The following DNAI1 variants were observed in gnomAD, a reference collection of about 807,000 sequenced individuals.
The protein encoded by DNAI1 is dynein, axonemal, intermediate polypeptide 1.
Under a neutral mutation model 92.0 loss-of-function variants are expected in DNAI1, and 67 were observed. The ratio of observed to expected loss-of-function variants is 0.73; its 90% confidence interval spans 0.60 to 0.89. The LOEUF (loss-of-function observed/expected upper bound fraction) is 0.89. Ranked by LOEUF, DNAI1 falls within the 40% of genes least tolerant of loss-of-function variation. DNAI1 has a pLI of 0.00. For synonymous variants in DNAI1, 323 were observed against 319.6 expected (o/e 1.01, Z -0.11); for missense variants, 839 against 866.6 (o/e 0.97, Z 0.40).
At chr9:34,516,952 C>A (rs1825180908) in intron 18 of DNAI1, among the ~76,000 whole-genome samples, 1 of 151,844 alleles carries the variant, frequency 6.6e-6, no homozygotes, top group Non-Finnish European at 1.5e-5. Context: ...TGTTGGCCAG[C>A]CTGGTCTCAA....
chr9:34,472,793 T>G (rs558996558), intron 1 of DNAI1, among the ~76,000 whole-genome samples: 38 of 152,136 alleles, frequency 2.5e-4, no homozygotes, highest in Admixed American at 2.2e-3. Flanking sequence ...TCCTAGCTAC[T>G]TGGGAGGGTG....
In DNAI1 at chr9:34,468,494, GGTTTTGTTTT is replaced by G. The variant is rs139327447; in HGVS notation, c.48+9462_48+9471del. 7.2e-4 allele frequency among the ~76,000 whole-genome samples: 109 copies of G among 151,374 alleles called. 2 individuals carry two copies. The highest frequency in any genetic ancestry group is 6.1e-3 in the South Asian group (29 of 4,790). On this transcript the variant is annotated intron_variant, in intron 1 of 19. Transcript: ENST00000242317. ...GTGAGCCACCACGCCCGGCCAAGAAGGTTTTGTTTTGTTTTGTTTTGTTTTGTTTTTCTTG... is the reference window on the plus strand; with the variant it reads ...GTGAGCCACCACGCCCGGCCAAGAAGGTTTTGTTTTGTTTTGTTTTTCTTG...
intron 12 of DNAI1, 52 bp from the exon 13 acceptor site, chr9:34,506,575 C>T: frequency 6.8e-6 from 11 of 1,612,772 alleles, no homozygotes; most frequent in Non-Finnish European, 9.3e-6. Context: ...GGGGCTTCTC[C>T]AGGCAGGGCA....
chr9:34,474,938 C>T (rs546603964), intron 1 of DNAI1, among the ~76,000 whole-genome samples: 3 of 152,244 alleles, frequency 2.0e-5, no homozygotes, highest in South Asian at 2.1e-4. Flanking sequence ...GCATTTTAAA[C>T]TTTGGTACAC....
chr9:34,519,960 T>G (rs796863346), intron 19 of DNAI1, among the ~76,000 whole-genome samples: 1 of 152,202 alleles, frequency 6.6e-6, no homozygotes, highest in Non-Finnish European at 1.5e-5. Context: ...GTCCAACTTA[T>G]AATGGAAGGA....
At chr9:34,465,533 A>G (rs982223309) in intron 1 of DNAI1, among the ~76,000 whole-genome samples, 3 of 152,324 alleles carry the variant, frequency 2.0e-5, no homozygotes, top group South Asian at 2.1e-4. Context: ...TAGTCATGCT[A>G]TTTTCAGAGT....
chr9:34,511,872 T>C (rs1360252787), intron 13 of DNAI1, among the ~76,000 whole-genome samples: 1 of 152,140 alleles, frequency 6.6e-6, no homozygotes, highest in Non-Finnish European at 1.5e-5. Flanking sequence ...GGCAATGCTT[T>C]GACTGGCACT....
intron 8 of DNAI1, 124 bp downstream of exon 8, chr9:34,491,678 C>T (rs1288712251): frequency 9.8e-7 from 1 of 1,017,758 alleles, no homozygotes. Context: ...CATCTACTTG[C>T]CTCCCTGCTC....
chr9:34,504,991 C>T (rs1165095110), intron 12 of DNAI1, among the ~76,000 whole-genome samples: 1 of 151,282 alleles, frequency 6.6e-6, no homozygotes, highest in East Asian at 1.9e-4. Context: ...CAAACCATCC[C>T]AGAAAAAAAA....
In DNAI1 at chr9:34,517,386, C is replaced by T. The variant is rs778382564; in HGVS notation, c.1920C>T (p.Ile640=). ...TCACCCACGTGCAGTTCAATCTCATCCACCCCATCATCATTGTGGGCGATG... is the reference window on the plus strand; with the variant it reads ...TCACCCACGTGCAGTTCAATCTCATTCACCCCATCATCATTGTGGGCGATG... ...NRLTHVQFNL[I]HPIIIVGDDR... Residue 640 remains isoleucine (I), a synonymous_variant, in exon 19 of 20, where the codon ATC becomes ATT. Transcript: ENST00000242317. The T allele has an allele frequency of 3.1e-6, 5 of 1,614,106 alleles. No individual in the cohort carries two copies. The highest frequency in any genetic ancestry group is 4.2e-6 in the Non-Finnish European group (5 of 1,180,050).
intron 18 of DNAI1, among the ~76,000 whole-genome samples, 158 bp from the exon 19 acceptor site, chr9:34,517,125 AAC>A (rs1239452432): frequency 6.6e-6 from 1 of 152,128 alleles, no homozygotes; most frequent in Admixed American, 6.5e-5. Flanking sequence ...CCATAGGAAA[AAC>A]ACAGAGACAC....
chr9:34,472,099 G>GC, intron 1 of DNAI1, among the ~76,000 whole-genome samples: 1 of 152,310 alleles, frequency 6.6e-6, no homozygotes, highest in African/African-American at 2.4e-5. Flanking sequence ...CAATTGCCTT[G>GC]CATGGCAGAC....
chr9:34,471,264 CA>C (rs1405325976), intron 1 of DNAI1, among the ~76,000 whole-genome samples: 49 of 141,878 alleles, frequency 3.5e-4, no homozygotes, highest in Admixed American at 9.2e-4. Flanking sequence ...CCTTCTCTAC[CA>C]AAAAAAAAAA....
intron 1 of DNAI1, among the ~76,000 whole-genome samples, chr9:34,460,195 A>T (rs139715859): frequency 6.6e-6 from 1 of 152,300 alleles, no homozygotes; most frequent in East Asian, 1.9e-4. Flanking sequence ...CTTCCTCAGC[A>T]TCACCACGGA....
chr9:34,502,182 G>T (rs1436257541), intron 12 of DNAI1, among the ~76,000 whole-genome samples: 1 of 152,182 alleles, frequency 6.6e-6, no homozygotes, highest in African/African-American at 2.4e-5. Flanking sequence ...GTGGGTGTTT[G>T]TCATTCCTCT....
At chr9:34,482,803 G>T (rs376193617) in intron 1 of DNAI1, among the ~76,000 whole-genome samples, 1 of 152,250 alleles carries the variant, frequency 6.6e-6, no homozygotes, top group African/African-American at 2.4e-5. Context: ...ACTGGGCGCC[G>T]TGGAGCAGAG....
At chr9:34,502,455 C>T (rs974111589) in intron 12 of DNAI1, among the ~76,000 whole-genome samples, 5 of 152,176 alleles carry the variant, frequency 3.3e-5, no homozygotes, top group African/African-American at 4.8e-5. Flanking sequence ...AACCCAGGCT[C>T]TCTGCCCAGG....
chr9:34,504,214 C>A (rs1824882738), intron 12 of DNAI1, among the ~76,000 whole-genome samples: 1 of 152,240 alleles, frequency 6.6e-6, no homozygotes, highest in Non-Finnish European at 1.5e-5. Flanking sequence ...AGTCCCAGCT[C>A]TAAATCCCTT....
chr9:34,485,887 A>G (rs368967312), intron 4 of DNAI1, among the ~76,000 whole-genome samples: 69 of 152,162 alleles, frequency 4.5e-4, no homozygotes, highest in African/African-American at 1.6e-3. Context: ...ATGGAGTACA[A>G]TTTCCCTCTA....
Sources: allele counts gnomAD v4.1 joint callset (sites outside exome capture counted in the v4.1 genomes callset), GRCh38; gene constraint gnomAD v4.1.1; transcripts MANE v1.5; gene names NCBI Gene and HGNC (gene_info 2026-07-23, HGNC 2026-07-21).